Variants in NUDT4 observed in about 807,000 individuals in gnomAD.
NUDT4 encodes the protein diphosphoinositol polyphosphate phosphohydrolase 2.
A neutral mutation model predicts 23.1 loss-of-function variants in NUDT4; 5 were observed. The ratio of observed to expected loss-of-function variants is 0.22; its 90% CI spans 0.11 to 0.46. The LOEUF is 0.46. Ranked by LOEUF, NUDT4 falls within the 20% of genes least tolerant of loss-of-function variation. NUDT4 has a pLI of 0.99. For synonymous variants in NUDT4, 50 were observed against 79.0 expected (o/e 0.63, Z 1.95); for missense variants, 96 against 211.6 (o/e 0.45, Z 3.39).
intron 1 of NUDT4, chr12:93,378,898 A>G (rs1032748557): frequency 3.6e-6 from 2 of 556,646 alleles, no homozygotes; most frequent in South Asian, 1.6e-4. Flanking sequence ...AGTAACAGAC[A>G]GTCCTCGTGC....
Position 93,406,360 on chromosome 12 carries a change from C to T in NUDT4, c.*6981C>T, listed in dbSNP as rs372449211. ...GGCCTATTCCTATCATTTCCTCGAT[C>T]CAATTTAGTTCCACTTAGGTCACTG... On this transcript the variant is annotated 3_prime_UTR_variant, in exon 5 of 5. Coordinates refer to ENST00000415493, the MANE Select transcript of NUDT4 (RefSeq NM_019094.6). 6.7e-6 allele frequency: 1 copy of T among 148,800 alleles called. No homozygotes were observed. The highest frequency in any genetic ancestry group is 2.0e-4 in the East Asian group (1 of 4,992). 9.2% of individuals were successfully genotyped at this position (148,800 alleles called of 1,614,324 possible). A position where few individuals can be genotyped will look rare whatever the true frequency, so the allele number is the denominator to read the frequency against.
Position 93,403,493 on chromosome 12 carries a change from G to C in NUDT4, c.*4114G>C, listed in dbSNP as rs1877618771. The stretch of plus-strand genomic sequence containing the variant: ...GCCACCACGCCCGGCTAATTTTTTT[G>C]TATTTTTAGTAGAGACGGGGTTTCA... On this transcript the variant is annotated 3_prime_UTR_variant, in exon 5 of 5. Transcript: ENST00000415493. The C allele has an allele frequency of 6.6e-6, 1 of 151,908 alleles. No individual in the cohort carries two copies. Among genetic ancestry groups the C allele is most frequent in the Non-Finnish European group, 1.5e-5 (1 of 68,012 alleles). The allele number at this position is 151,908 out of a possible 1,614,324, so 9.4% of individuals were successfully genotyped here.
intron 1 of NUDT4, among the ~76,000 whole-genome samples, chr12:93,382,694 T>TTTTTG (rs1875766312): frequency 7.1e-6 from 1 of 139,956 alleles, no homozygotes; most frequent in Non-Finnish European, 1.6e-5. Context: ...TTTTTTTTTT[T>TTTTTG]GAGACAGAGT....
Position 93,404,453 on chromosome 12 carries a change from A to T in NUDT4, c.*5074A>T, listed in dbSNP as rs932944370. On this transcript the variant is annotated 3_prime_UTR_variant, in exon 5 of 5. Transcript: ENST00000415493. ...ATCACAGCTGCATACATACCCTTTC[A>T]CCCAACAGTTCCACTCCTGGGAGTC... 1 of 152,176 alleles carries T rather than the reference A, an allele frequency of 6.6e-6. No individual in the cohort carries two copies. The highest frequency in any genetic ancestry group is 1.5e-5 in the Non-Finnish European group (1 of 68,038). The allele number at this position is 152,176 out of a possible 1,614,324, so 9.4% of individuals were successfully genotyped here. A position where few individuals can be genotyped will look rare whatever the true frequency, so the allele number is the denominator to read the frequency against.
intron 1 of NUDT4, among the ~76,000 whole-genome samples, chr12:93,386,337 G>C (rs1227048164): frequency 6.6e-6 from 1 of 152,066 alleles, no homozygotes; most frequent in African/African-American, 2.4e-5. Flanking sequence ...AGCACTTTGG[G>C]AGGCCGAGGT....
chr12:93,390,561 A>G (rs1255983433), intron 1 of NUDT4, among the ~76,000 whole-genome samples: 1 of 151,836 alleles, frequency 6.6e-6, no homozygotes, highest in Non-Finnish European at 1.5e-5. Context: ...TTCTTTTTCT[A>G]ATTTTCTATA....
intron 3 of NUDT4, among the ~76,000 whole-genome samples, chr12:93,397,115 C>T (rs949175420): frequency 6.6e-6 from 1 of 152,108 alleles, no homozygotes; most frequent in African/African-American, 2.4e-5. Flanking sequence ...TAACAGCACA[C>T]GTCAATCAAA....
chr12:93,381,584 A>G (rs1434483012), intron 1 of NUDT4, among the ~76,000 whole-genome samples: 2 of 152,196 alleles, frequency 1.3e-5, no homozygotes, highest in African/African-American at 4.8e-5. Context: ...GCGGTCGGGT[A>G]TTCTGGGGTT....
intron 1 of NUDT4, among the ~76,000 whole-genome samples, chr12:93,391,370 GTC>G (rs1188090187): frequency 1.3e-5 from 2 of 151,938 alleles, no homozygotes; most frequent in Non-Finnish European, 2.9e-5. Flanking sequence ...TTTGAGATCA[GTC>G]TGGCCAACGT....
At position 93,405,372 on chromosome 12, in the gene NUDT4, G is replaced by A. The variant is rs1565789565; in HGVS notation, c.*5993G>A. The A allele has an allele frequency of 6.6e-6, 1 of 152,240 alleles. No homozygotes were observed. Among genetic ancestry groups the A allele is most frequent in the Non-Finnish European group, 1.5e-5 (1 of 68,040 alleles). The allele number at this position is 152,240 out of a possible 1,614,324, so 9.4% of individuals were successfully genotyped here. On this transcript the variant is annotated 3_prime_UTR_variant, in exon 5 of 5. Coordinates refer to ENST00000415493, the MANE Select transcript of NUDT4 (RefSeq NM_019094.6). ...GAAAAATCATGTGATCAATTCAGTA[G>A]TAGAGACAGAGGTTGGTATCAAGTC...
At position 93,400,347 on chromosome 12, in the gene NUDT4, C is replaced by A. The variant is rs1335327059; in HGVS notation, c.*968C>A. ...AGTTGAGTGAAATGGCCTTCCTGTT[C>A]AGCTGTTAGAGACTGAAGATTGTTA... On this transcript the variant is annotated 3_prime_UTR_variant, in exon 5 of 5. Coordinates refer to ENST00000415493, the MANE Select transcript of NUDT4 (RefSeq NM_019094.6). The A allele has an allele frequency of 6.6e-6, 1 of 151,818 alleles. No individual in the cohort carries two copies. Among genetic ancestry groups the A allele is most frequent in the Non-Finnish European group, 1.5e-5 (1 of 67,818 alleles). 9.4% of individuals were successfully genotyped at this position (151,818 alleles called of 1,614,324 possible). A position where few individuals can be genotyped will look rare whatever the true frequency, so the allele number is the denominator to read the frequency against.
At position 93,407,173 on chromosome 12, in the gene NUDT4, CTTAATGTTCAGA is replaced by C. The variant is rs1877867402; in HGVS notation, c.*7797_*7808del. On this transcript the variant is annotated 3_prime_UTR_variant, in exon 5 of 5. Transcript: ENST00000415493. ...TGGGCAGTCGATTTTCAGGAAGCCA[CTTAATGTTCAGA>C]TTCTTTTCTTCTCTCCCAGGACTTT... 6.6e-6 allele frequency: 1 copy of C among 152,390 alleles called. No homozygotes were observed. Among genetic ancestry groups the C allele is most frequent in the African/African-American group, 2.4e-5 (1 of 41,458 alleles). 9.4% of individuals were successfully genotyped at this position (152,390 alleles called of 1,614,324 possible).
chr12:93,404,436 T>C lies in NUDT4; in HGVS notation c.*5057T>C, dbSNP rs922856329. The C allele has an allele frequency of 6.6e-6, 1 of 152,206 alleles. No individual in the cohort carries two copies. Among genetic ancestry groups the C allele is most frequent in the Non-Finnish European group, 1.5e-5 (1 of 68,036 alleles). 9.4% of individuals were successfully genotyped at this position (152,206 alleles called of 1,614,324 possible). A position where few individuals can be genotyped will look rare whatever the true frequency, so the allele number is the denominator to read the frequency against. ...CTACTGAGTAGTATTTTATCACAGC[T>C]GCATACATACCCTTTCACCCAACAG... is the stretch of plus-strand genomic sequence containing the variant. On this transcript the variant is annotated 3_prime_UTR_variant, in exon 5 of 5. Transcript: ENST00000415493.
intron 3 of NUDT4, among the ~76,000 whole-genome samples, chr12:93,397,263 T>TA (rs1331187160): frequency 2.0e-5 from 3 of 150,900 alleles, no homozygotes; most frequent in Non-Finnish European, 4.4e-5. Context: ...AACTGATTCT[T>TA]AAAAATAATG....
intron 1 of NUDT4, among the ~76,000 whole-genome samples, chr12:93,381,396 G>A (rs1235179090): frequency 6.6e-6 from 1 of 152,248 alleles, no homozygotes; most frequent in Non-Finnish European, 1.5e-5. Flanking sequence ...TGCTTGTACA[G>A]TGAAAGATGA....
intron 1 of NUDT4, among the ~76,000 whole-genome samples, chr12:93,384,403 G>A (rs1350085652): frequency 3.3e-5 from 5 of 152,018 alleles, no homozygotes; most frequent in African/African-American, 7.2e-5. Flanking sequence ...TCCTGACCTC[G>A]TGATCTGCCC....
At chr12:93,386,797 T>A (rs942737853) in intron 1 of NUDT4, among the ~76,000 whole-genome samples, 1 of 152,198 alleles carries the variant, frequency 6.6e-6, no homozygotes. Flanking sequence ...AAAATTTGTA[T>A]TAGCAGATAT....
intron 1 of NUDT4, chr12:93,381,162 G>T (rs1250408968): frequency 6.6e-6 from 1 of 152,164 alleles, no homozygotes; most frequent in Admixed American, 6.5e-5. Flanking sequence ...GGGTAAATAA[G>T]TATTAGTATT....
At chr12:93,394,212 C>T (rs1876763157) in intron 1 of NUDT4, among the ~76,000 whole-genome samples, 1 of 152,178 alleles carries the variant, frequency 6.6e-6, no homozygotes, top group African/African-American at 2.4e-5. Flanking sequence ...CCATGTTAGC[C>T]AGGATGATCT....
Sources: gnomAD v4.1 joint callset for allele counts (sites outside exome capture counted in the v4.1 genomes callset) on GRCh38, gnomAD v4.1.1 for gene constraint, MANE v1.5 for transcripts, NCBI Gene and HGNC (gene_info 2026-07-23, HGNC 2026-07-21) for gene names.